Variants in NT5DC4 observed in about 807,000 individuals in gnomAD.
NT5DC4 encodes the protein 5'-nucleotidase domain containing 4.
NT5DC4 carries 44 observed loss-of-function variants against 26.6 expected under a neutral mutation model. The ratio of observed to expected loss-of-function variants is 1.65; its 90% CI spans 1.30 to 2.13. NT5DC4 has a LOEUF of 2.13. NT5DC4 is among the 30% of genes most tolerant of loss of function. The pLI is 0.00. For synonymous variants in NT5DC4, 157 were observed against 86.7 expected, an observed-to-expected ratio of 1.81 and a Z score of -4.51; for missense variants, 399 against 228.1, an observed-to-expected ratio of 1.75 and a Z score of -4.83.
chr2:112,739,764 T>C (rs72950389), downstream of NT5DC4, among the ~76,000 whole-genome samples: 4,986 of 152,194 alleles, frequency 0.033, 275 homozygotes, highest in African/African-American at 0.11. Context: ...AAGGCATCTG[T>C]CCACCTCAGC....
chr2:112,719,980 T>TTCTTTCTTTC, upstream of NT5DC4, among the ~76,000 whole-genome samples: 1 of 124,700 alleles, frequency 8.0e-6, no homozygotes, highest in South Asian at 2.5e-4. Flanking sequence ...CTTTCTTTCT[T>TTCTTTCTTTC]TCTTTCTTTT....
chr2:112,734,409 C>CT (rs1244520560), intron 16 of NT5DC4, among the ~76,000 whole-genome samples: 3 of 152,208 alleles, frequency 2.0e-5, no homozygotes, highest in Non-Finnish European at 4.4e-5. Flanking sequence ...GTACTATTCT[C>CT]TGGCAGGTTT....
chr2:112,723,074 G>T lies in NT5DC4; in HGVS notation c.528-7G>T, dbSNP rs1272833672. On this transcript the variant is annotated splice_region_variant and splice_polypyrimidine_tract_variant and intron_variant, in intron 6 of 16. Coordinates refer to ENST00000688554, the MANE Select transcript of NT5DC4 (RefSeq NM_001393655.1). ...TGGCCTCCCCGTCCCCTCTTTGCCT[G>T]CCCCAGTTGTGACACCGGCTATCAG... 2.8e-6 allele frequency: 2 copies of T among 712,878 alleles called. No individual in the cohort carries two copies. Among genetic ancestry groups the T allele is most frequent in the South Asian group, 3.0e-5 (2 of 67,072 alleles). 44.2% of individuals were successfully genotyped at this position (712,878 alleles called of 1,614,324 possible). A position where few individuals can be genotyped will look rare whatever the true frequency, so the allele number is the denominator to read the frequency against.
chr2:112,722,174 CG>C lies in NT5DC4; in HGVS notation c.267-8del, dbSNP rs1159996411. On this transcript the variant is annotated splice_polypyrimidine_tract_variant and splice_region_variant and intron_variant, in intron 3 of 16. Transcript: ENST00000688554. The stretch of plus-strand genomic sequence containing the variant: ...CCACCCACAGTGCCCCCCGACCCCC[CG>C]TCTGCAGGCGGCTGGTGTTCGATGA... 1.4e-6 allele frequency: 1 copy of C among 713,408 alleles called. No homozygotes were observed. The highest frequency in any genetic ancestry group is 2.6e-6 in the Non-Finnish European group (1 of 383,772). The allele number at this position is 713,408 out of a possible 1,614,324, so 44.2% of individuals were successfully genotyped here. A position where few individuals can be genotyped will look rare whatever the true frequency, so the allele number is the denominator to read the frequency against.
upstream of NT5DC4, among the ~76,000 whole-genome samples, chr2:112,719,955 TTTCTTTCTTTCTTTCTTTC>T (rs1558715227): frequency 1.3e-4 from 17 of 126,886 alleles, no homozygotes; most frequent in African/African-American, 4.3e-4. Context: ...TCTTTCTTTC[TTTCTTTCTTTCTTTCTTTC>T]TTTCTTTCTT....
intron 1 of NT5DC4, chr2:112,721,378 G>A (rs1358307868): frequency 2.5e-5 from 17 of 677,314 alleles, no homozygotes; most frequent in Middle Eastern, 2.6e-4. Context: ...TTCCCTCCAC[G>A]AAGATCTCTC....
At chr2:112,742,823 T>G, downstream of NT5DC4, 1 of 1,310,766 alleles carries the variant, frequency 7.6e-7, no homozygotes, top group Non-Finnish European at 1.1e-6. Flanking sequence ...TGCAAAAAAT[T>G]TGCTAAGGAA....
rs143072342 is a variant in NT5DC4 at position 112,722,041 on chromosome 2, G to T, written c.204G>T (p.Leu68=). The change falls in exon 3 of 17, where the codon CTG becomes CTT. Residue 68 remains leucine (L), a synonymous_variant. Transcript: ENST00000688554. ...CCTTCGAGCTGCTGCTGGAGCGCCT[G>T]GTGTGCATTGGGTACCCGCATGAGA... is the stretch of plus-strand genomic sequence containing the variant. ...ALTFELLLER[L]VCIGYPHEIL... 2.3e-4 allele frequency: 166 copies of T among 717,170 alleles called. 1 individual carries two copies. The East Asian group carries it at 4.5e-3, about 19-fold the overall frequency. 44.4% of individuals were successfully genotyped at this position (717,170 alleles called of 1,614,324 possible). A position where few individuals can be genotyped will look rare whatever the true frequency, so the allele number is the denominator to read the frequency against.
chr2:112,723,614 C>T (rs1251473329), intron 8 of NT5DC4, 105 bp from the exon 9 acceptor site: 3 of 683,908 alleles, frequency 4.4e-6, no homozygotes, highest in African/African-American at 1.8e-5. Flanking sequence ...CTGGTGCCTA[C>T]CTGCCTGGGC....
upstream of NT5DC4, among the ~76,000 whole-genome samples, chr2:112,719,776 G>T (rs562046575): frequency 6.6e-6 from 1 of 151,372 alleles, no homozygotes; most frequent in South Asian, 2.1e-4. Flanking sequence ...GAGCCACTGC[G>T]CCAGGCCCTT....
At chr2:112,724,048 G>A in intron 9 of NT5DC4, 46 bp from the exon 10 acceptor site, 1 of 716,866 alleles carries the variant, frequency 1.4e-6, no homozygotes, top group Non-Finnish European at 2.6e-6. Context: ...GCAGAGGCAG[G>A]TGGTGGCCCA....
chr2:112,719,698 C>A (rs1185812720), upstream of NT5DC4, among the ~76,000 whole-genome samples: 1 of 151,822 alleles, frequency 6.6e-6, no homozygotes, highest in African/African-American at 2.4e-5. Context: ...GCTGGCCAGG[C>A]TTGTCTCAAA....
At chr2:112,737,722 A>G (rs574287396) in intron 16 of NT5DC4, 2 of 152,308 alleles carry the variant, frequency 1.3e-5, no homozygotes, top group African/African-American at 4.8e-5. Flanking sequence ...GATGAGGCTG[A>G]TAGACCTTTG....
intron 16 of NT5DC4, among the ~76,000 whole-genome samples, chr2:112,733,509 C>T (rs1343033908): frequency 1.3e-5 from 2 of 152,194 alleles, no homozygotes; most frequent in East Asian, 1.9e-4. Flanking sequence ...ACTTCCAATC[C>T]GTGACCTCAG....
intron 6 of NT5DC4, 75 bp downstream of exon 6, chr2:112,722,846 CCCCCAAGGGCT>C (rs1677098660): frequency 1.6e-6 from 1 of 623,224 alleles, no homozygotes. Flanking sequence ...AAAGAGGGGC[CCCCCAAGGGCT>C]CCCCAAGAGG....
chr2:112,730,292 A>G (rs1466591719), intron 16 of NT5DC4, among the ~76,000 whole-genome samples: 1 of 138,624 alleles, frequency 7.2e-6, no homozygotes, highest in African/African-American at 2.7e-5. Context: ...CAACCTGGGC[A>G]ACAGGGAAAG....
chr2:112,722,006 G>A lies in NT5DC4; in HGVS notation c.169G>A (p.Glu57Lys). Reference sequence around the variant, plus strand: ...TGCAGCCTACAAGTCCCCAGCTTATGAGGCCCTGACCTTCGAGCTGCTGCT... The same window carrying A: ...TGCAGCCTACAAGTCCCCAGCTTATAAGGCCCTGACCTTCGAGCTGCTGCT... ...TLAAYKSPAY[E>K]ALTFELLLER... The change falls in exon 3 of 17, where the codon GAG becomes AAG. Residue 57 changes from glutamate (E) to lysine (K), a missense_variant. Physicochemically the swap from Glu to Lys is moderately conservative, Grantham distance 56. Transcript: ENST00000688554. The A allele has an allele frequency of 1.4e-6, 1 of 717,288 alleles. No homozygotes were observed. 44.4% of individuals were successfully genotyped at this position (717,288 alleles called of 1,614,324 possible).
At position 112,738,736 on chromosome 2, in the gene NT5DC4, T is replaced by C. The variant is rs533897338; in HGVS notation, c.1345-177T>C. 2.0e-3 allele frequency: 1,696 copies of C among 853,210 alleles called. 20 individuals are homozygous for C. The highest frequency in any genetic ancestry group is 3.9e-3 in the Middle Eastern group (15 of 3,826). The allele number at this position is 853,210 out of a possible 1,614,324, so 52.9% of individuals were successfully genotyped here. On this transcript the variant is annotated intron_variant, in intron 16 of 16. Coordinates refer to ENST00000688554, the MANE Select transcript of NT5DC4 (RefSeq NM_001393655.1). ...GTCCATAATCTGCATCCATGATGCC[T>C]CTCTTTTTTTCCAGGTCACTTGGAC...
chr2:112,738,968 G>A lies in NT5DC4; in HGVS notation c.*32G>A. ...TTCCTGCAGCATTTCTGGGTAGCGGGACACTGCTCGCTCAATCCTCGACGA... is the reference window on the plus strand; with the variant it reads ...TTCCTGCAGCATTTCTGGGTAGCGGAACACTGCTCGCTCAATCCTCGACGA... On this transcript the variant is annotated 3_prime_UTR_variant, in exon 17 of 17. Transcript: ENST00000688554. 1.2e-6 allele frequency: 2 copies of A among 1,614,156 alleles called. No individual in the cohort carries two copies. Among genetic ancestry groups the A allele is most frequent in the South Asian group, 1.1e-5 (1 of 91,086 alleles).
Sources: gnomAD v4.1 joint callset for allele counts (sites outside exome capture counted in the v4.1 genomes callset) on GRCh38, gnomAD v4.1.1 for gene constraint, MANE v1.5 for transcripts, NCBI Gene and HGNC (gene_info 2026-07-23, HGNC 2026-07-21) for gene names.